PCDH15: variants seen among roughly 807,000 people sequenced by gnomAD.
PCDH15 encodes protocadherin related 15.
PCDH15 carries 129 observed loss-of-function variants against 178.5 expected under a neutral mutation model. That is an observed-to-expected ratio of 0.72 (90% CI 0.63 to 0.84). The LOEUF (loss-of-function observed/expected upper bound fraction) is 0.84. Among genes scored for constraint, PCDH15 ranks in the 40% least tolerant of loss-of-function variants. The pLI is 0.00. For synonymous variants in PCDH15, 800 were observed against 732.0 expected (o/e 1.09, Z -1.50); for missense variants, 2,230 against 2,099.9 (o/e 1.06, Z -1.21).
At chr10:55,020,372 T>C (rs988425837) in intron 2 of PCDH15, among the ~76,000 whole-genome samples, 25 of 149,432 alleles carry the variant, frequency 1.7e-4, no homozygotes, top group Non-Finnish European at 2.7e-4. Context: ...AAATATAAAG[T>C]AATGAGAATG....
At chr10:54,632,874 A>T (rs1483537208) in intron 2 of PCDH15, among the ~76,000 whole-genome samples, 1 of 152,176 alleles carries the variant, frequency 6.6e-6, no homozygotes, top group Non-Finnish European at 1.5e-5. Flanking sequence ...CAAGAAAAAA[A>T]TAGCAACAGT....
intron 2 of PCDH15, among the ~76,000 whole-genome samples, chr10:55,027,815 G>A (rs1410142654): frequency 6.6e-6 from 1 of 151,658 alleles, no homozygotes; most frequent in African/African-American, 2.4e-5. Context: ...AAGTAGCTGA[G>A]GTAGTATAAT....
chr10:54,783,317 T>C (rs1222233235), intron 1 of PCDH15, among the ~76,000 whole-genome samples: 1 of 151,972 alleles, frequency 6.6e-6, no homozygotes, highest in Non-Finnish European at 1.5e-5. Context: ...AACTGGAAAA[T>C]TCAGTGACTG....
chr10:53,920,482 AGATT>A (rs962842536), intron 25 of PCDH15, among the ~76,000 whole-genome samples: 4 of 152,154 alleles, frequency 2.6e-5, no homozygotes, highest in South Asian at 2.1e-4. Flanking sequence ...ACGGGATGAT[AGATT>A]ATTTTAATTT....
At chr10:54,219,185 G>A (rs2052470415) in intron 9 of PCDH15, among the ~76,000 whole-genome samples, 1 of 148,544 alleles carries the variant, frequency 6.7e-6, no homozygotes, top group African/African-American at 2.5e-5. Context: ...TGAGGCAGGA[G>A]AATGGCGTGA....
intron 2 of PCDH15, among the ~76,000 whole-genome samples, chr10:54,968,810 A>AT (rs1435889958): frequency 6.6e-6 from 1 of 151,454 alleles, no homozygotes; most frequent in Non-Finnish European, 1.5e-5. Context: ...GGCTTAGTTT[A>AT]TTTTTTCTCT....
At chr10:55,537,247 A>G (rs1329344483) in intron 2 of PCDH15, among the ~76,000 whole-genome samples, 2 of 152,290 alleles carry the variant, frequency 1.3e-5, no homozygotes, top group East Asian at 1.9e-4. Flanking sequence ...ATGTTTTCAC[A>G]TTTAAGAGAA....
chr10:53,878,181 G>GCACACACA (rs71004486), intron 26 of PCDH15, among the ~76,000 whole-genome samples: 45,121 of 124,656 alleles, frequency 0.36, 9,333 homozygotes, highest in Middle Eastern at 0.59. Flanking sequence ...CTATACTATG[G>GCACACACA]CACACACACA....
chr10:54,934,996 C>T (rs537942008), intron 2 of PCDH15, among the ~76,000 whole-genome samples: 47 of 151,268 alleles, frequency 3.1e-4, no homozygotes, highest in African/African-American at 9.0e-4. Flanking sequence ...AACCAAACAC[C>T]GCATGTTCTC....
intron 16 of PCDH15, among the ~76,000 whole-genome samples, 172 bp downstream of exon 16, chr10:54,089,812 G>A (rs965611928): frequency 6.6e-6 from 1 of 152,086 alleles, no homozygotes; most frequent in South Asian, 2.1e-4. Flanking sequence ...ACAGTCTCCT[G>A]GGTAATATTT....
At chr10:54,963,475 C>T (rs750843118) in intron 2 of PCDH15, among the ~76,000 whole-genome samples, 1 of 152,102 alleles carries the variant, frequency 6.6e-6, no homozygotes, top group Non-Finnish European at 1.5e-5. Flanking sequence ...TCTGTAGCAA[C>T]TCTTCGTGTA....
chr10:55,177,541 T>C (rs528804897), intron 1 of PCDH15, among the ~76,000 whole-genome samples: 1 of 152,292 alleles, frequency 6.6e-6, no homozygotes, highest in Non-Finnish European at 1.5e-5. Context: ...GTTGCAGTGG[T>C]AACTTTGCTG....
chr10:54,478,841 A>G (rs189547683), intron 3 of PCDH15, among the ~76,000 whole-genome samples: 2 of 152,194 alleles, frequency 1.3e-5, no homozygotes, highest in East Asian at 3.9e-4. Context: ...ATGTTATAAA[A>G]TTAAATGGTA....
At chr10:55,046,990 G>A (rs1841023071) in intron 2 of PCDH15, among the ~76,000 whole-genome samples, 1 of 151,744 alleles carries the variant, frequency 6.6e-6, no homozygotes, top group Non-Finnish European at 1.5e-5. Flanking sequence ...GTTCTTGTTA[G>A]TAAAAACATG....
At chr10:54,388,263 T>C (rs890078247) in intron 3 of PCDH15, among the ~76,000 whole-genome samples, 1 of 152,166 alleles carries the variant, frequency 6.6e-6, no homozygotes, top group Non-Finnish European at 1.5e-5. Flanking sequence ...CAATCTGAGC[T>C]TCCAATTAGT....
intron 23 of PCDH15, among the ~76,000 whole-genome samples, chr10:53,956,436 G>A (rs1589611985): frequency 6.6e-6 from 1 of 152,024 alleles, no homozygotes. Flanking sequence ...TAAAATTTTG[G>A]TTCAAATTTA....
intron 1 of PCDH15, among the ~76,000 whole-genome samples, chr10:54,779,168 G>T (rs1001835756): frequency 6.6e-6 from 1 of 151,626 alleles, no homozygotes. Flanking sequence ...ATATATTCAT[G>T]AGTCAAAATC....
intron 2 of PCDH15, among the ~76,000 whole-genome samples, chr10:55,544,989 T>G (rs1264920960): frequency 6.6e-6 from 1 of 151,980 alleles, no homozygotes; most frequent in Admixed American, 6.6e-5. Context: ...AAATAAAAAC[T>G]CCTCAAGAAA....
chr10:55,606,677 G>A (rs1476581073), intron 2 of PCDH15, among the ~76,000 whole-genome samples: 1 of 147,552 alleles, frequency 6.8e-6, no homozygotes, highest in African/African-American at 2.5e-5. Flanking sequence ...ATGGTGCTGG[G>A]AAAACTGGCT....
Sources: gnomAD v4.1 joint callset for allele counts (sites outside exome capture counted in the v4.1 genomes callset) on GRCh38, gnomAD v4.1.1 for gene constraint, MANE v1.5 for transcripts, NCBI Gene and HGNC (gene_info 2026-07-23, HGNC 2026-07-21) for gene names.